The following EHMT1 variants were observed in gnomAD, a reference collection of about 807,000 sequenced individuals.
EHMT1 encodes the protein histone-lysine N-methyltransferase EHMT1.
A neutral mutation model predicts 147.2 loss-of-function variants in EHMT1; 15 were observed. The observed-to-expected ratio is 0.10, with a 90% CI of 0.07 to 0.16. EHMT1 has a LOEUF of 0.16. Ranked by LOEUF, EHMT1 falls within the 10% of genes least tolerant of loss-of-function variation. The pLI is 1.00. For missense variants in EHMT1, 1,587 were observed against 1,772.4 expected (o/e 0.90, Z 1.88); for synonymous variants, 795 against 709.6 (o/e 1.12, Z -1.91).
intron 1 of EHMT1, among the ~76,000 whole-genome samples, chr9:137,619,645 G>T (rs895717421): frequency 3.3e-5 from 5 of 152,116 alleles, no homozygotes; most frequent in Admixed American, 1.3e-4. Flanking sequence ...AGGAAAGCAC[G>T]CTCGGTGGGA....
At chr9:137,662,598 C>G (rs1939195826) in intron 1 of EHMT1, among the ~76,000 whole-genome samples, 1 of 152,072 alleles carries the variant, frequency 6.6e-6, no homozygotes, top group South Asian at 2.1e-4. Flanking sequence ...CTCCCAGGTT[C>G]AAGCAACTCT....
At chr9:137,622,541 A>G (rs944590954) in intron 1 of EHMT1, among the ~76,000 whole-genome samples, 6 of 152,172 alleles carry the variant, frequency 3.9e-5, no homozygotes, top group South Asian at 4.1e-4. Context: ...GGGGTCGACT[A>G]TGGACTTCCA....
intron 15 of EHMT1, among the ~76,000 whole-genome samples, chr9:137,783,748 G>A (rs570963627): frequency 2.0e-5 from 3 of 152,278 alleles, no homozygotes; most frequent in South Asian, 4.2e-4. Context: ...AGAGAGCGAC[G>A]GGGCGCACCG....
chr9:137,726,798 T>C (rs1564648459), intron 3 of EHMT1, among the ~76,000 whole-genome samples: 2 of 152,258 alleles, frequency 1.3e-5, no homozygotes, highest in Non-Finnish European at 2.9e-5. Context: ...CCATCCATGC[T>C]GCTCACTGTG....
chr9:137,802,623 C>T, intron 18 of EHMT1: 1 of 409,020 alleles, frequency 2.4e-6, no homozygotes, highest in Non-Finnish European at 4.2e-6. Context: ...TCATTGTTGG[C>T]ACGGGGAGGT....
At chr9:137,690,158 G>A (rs1942811853) in intron 1 of EHMT1, among the ~76,000 whole-genome samples, 1 of 152,184 alleles carries the variant, frequency 6.6e-6, no homozygotes, top group South Asian at 2.1e-4. Flanking sequence ...TTGCTGGTGT[G>A]AGAAGTGATG....
chr9:137,779,688 G>T lies in EHMT1; in HGVS notation c.2246G>T (p.Gly749Val). Residue 749 changes from glycine (G) to valine (V), a missense_variant, in exon 14 of 27, where the codon GGG (glycine) becomes GTG (valine). This residue lies in a region of EHMT1 where 201 missense variants were observed against 350.1 expected (regional missense o/e 0.57). Transcript: ENST00000460843. ...PKQLYFSARQ[G>V]ELQKVLLMLV... Reference sequence around the variant, plus strand: ...CAGCTGTACTTCTCCGCCAGGCAAGGGGAGCTTCAGAAGGTGCTCCTCATG... The same window carrying T: ...CAGCTGTACTTCTCCGCCAGGCAAGTGGAGCTTCAGAAGGTGCTCCTCATG... 1 of 1,613,820 alleles carries T rather than the reference G, an allele frequency of 6.2e-7. No individual in the cohort carries two copies. The highest frequency in any genetic ancestry group is 8.5e-7 in the Non-Finnish European group (1 of 1,180,048).
chr9:137,801,201 CG>C (rs1187754009), intron 18 of EHMT1, among the ~76,000 whole-genome samples: 1 of 152,168 alleles, frequency 6.6e-6, no homozygotes, highest in East Asian at 1.9e-4. Flanking sequence ...TAGGGATCTG[CG>C]GGTTCAGAGG....
intron 1 of EHMT1, chr9:137,638,070 T>C (rs1257503120): frequency 1.3e-5 from 2 of 152,098 alleles, no homozygotes; most frequent in Non-Finnish European, 2.9e-5. Flanking sequence ...TTGGTCATTC[T>C]AGCTAAAGTT....
intron 1 of EHMT1, among the ~76,000 whole-genome samples, chr9:137,666,616 G>A (rs1195742629): frequency 6.6e-6 from 1 of 152,218 alleles, no homozygotes; most frequent in South Asian, 2.1e-4. Context: ...AAATCTGTCC[G>A]CCTTGGCTGT....
At position 137,714,749 on chromosome 9, in the gene EHMT1, A is replaced by G. The variant is rs371150951; in HGVS notation, c.86-1877A>G. Among the ~76,000 whole-genome samples the G allele has an allele frequency of 4.6e-5, 7 of 151,764 alleles. No homozygotes were observed. In the East Asian group the frequency reaches 7.7e-4, roughly 17 times the overall value. On this transcript the variant is annotated intron_variant, in intron 2 of 26. Transcript: ENST00000460843. ...TTAATTTTTGGTACAGAGTCTCACT[A>G]TGTTGCCCAGGTGGGTCGTGAACTC... is the stretch of plus-strand genomic sequence containing the variant.
chr9:137,806,518 G>A (rs560197191), intron 18 of EHMT1, among the ~76,000 whole-genome samples: 4 of 150,944 alleles, frequency 2.6e-5, no homozygotes, highest in East Asian at 2.0e-4. Context: ...CACTGCAACC[G>A]CCTTCTTCCA....
At chr9:137,629,585 G>T (rs1257907959) in intron 1 of EHMT1, among the ~76,000 whole-genome samples, 1 of 152,082 alleles carries the variant, frequency 6.6e-6, no homozygotes, top group Non-Finnish European at 1.5e-5. Flanking sequence ...AGTAGAGACA[G>T]GGTTTCACTG....
At chr9:137,822,894 C>G (rs1406710617) in intron 25 of EHMT1, among the ~76,000 whole-genome samples, 1 of 116,464 alleles carries the variant, frequency 8.6e-6, no homozygotes, top group Admixed American at 7.7e-5. Flanking sequence ...AACTTCATCT[C>G]GAAAAAAAAA....
chr9:137,739,073 TA>T (rs775002104), intron 4 of EHMT1, among the ~76,000 whole-genome samples: 222 of 139,336 alleles, frequency 1.6e-3, no homozygotes, highest in Non-Finnish European at 1.8e-3. Context: ...ATTTTACTAG[TA>T]AAAAAAAAAA....
At chr9:137,646,267 A>G (rs1589104550) in intron 1 of EHMT1, 1 of 896,618 alleles carries the variant, frequency 1.1e-6, no homozygotes, top group East Asian at 1.2e-4. Flanking sequence ...GCCTATTTTT[A>G]CTTTTTAAAT....
At chr9:137,763,659 A>G (rs1950013532) in intron 10 of EHMT1, 1 of 153,592 alleles carries the variant, frequency 6.5e-6, no homozygotes, top group Non-Finnish European at 1.4e-5. Context: ...TTGTGGAAGT[A>G]AGTGAGCTGT....
intron 10 of EHMT1, among the ~76,000 whole-genome samples, chr9:137,770,210 A>G (rs1437500306): frequency 6.6e-6 from 1 of 151,972 alleles, no homozygotes; most frequent in Non-Finnish European, 1.5e-5. Context: ...ATTGTTTGAC[A>G]TTGTCCCACA....
At chr9:137,660,924 G>A (rs1939009033) in intron 1 of EHMT1, among the ~76,000 whole-genome samples, 1 of 152,120 alleles carries the variant, frequency 6.6e-6, no homozygotes, top group African/African-American at 2.4e-5. Context: ...ATCTTGCTAA[G>A]CTCTACTATT....
Sources: gnomAD v4.1 joint callset for allele counts (sites outside exome capture counted in the v4.1 genomes callset) on GRCh38, gnomAD v4.1.1 for gene constraint, gnomAD v4.1.1 regional missense constraint, MANE v1.5 for transcripts, NCBI Gene and HGNC (gene_info 2026-07-23, HGNC 2026-07-21) for gene names.